The following WTIP variants were observed in gnomAD, a reference collection of about 807,000 sequenced individuals.
WTIP encodes the protein Wilms tumor protein 1-interacting protein.
A neutral mutation model predicts 41.7 loss-of-function variants in WTIP; 23 were observed. The observed-to-expected ratio is 0.55, with a 90% CI of 0.40 to 0.78. The LOEUF (loss-of-function observed/expected upper bound fraction) is 0.78, where lower values mean the gene tolerates loss of function less well. Ranked by LOEUF, WTIP falls within the 30% of genes least tolerant of loss-of-function variation. WTIP has a pLI of 0.00. For synonymous variants in WTIP, 314 were observed against 269.9 expected (o/e 1.16, Z -1.60); for missense variants, 619 against 610.5 (o/e 1.01, Z -0.15).
chr19:34,489,429 G>T (rs1278066243), intron 1 of WTIP, among the ~76,000 whole-genome samples: 1 of 151,938 alleles, frequency 6.6e-6, no homozygotes, highest in Non-Finnish European at 1.5e-5. Flanking sequence ...GGAGGACAGA[G>T]TGGGTACAGA....
rs2075909509 is a variant in WTIP, at chr19:34,505,966, C to T, written c.*5697C>T. On this transcript the variant is annotated 3_prime_UTR_variant, in exon 8 of 8. Coordinates refer to ENST00000590071, the MANE Select transcript of WTIP (RefSeq NM_001080436.2). ...CGGGACCCATGGCCTGGGGTCACCA[C>T]CTTCCTGAGCTGCGTGGATCTCAGC... The T allele has an allele frequency of 6.6e-6, 1 of 152,370 alleles. No homozygotes were observed. Among genetic ancestry groups the T allele is most frequent in the South Asian group, 2.1e-4 (1 of 4,832 alleles). The allele number at this position is 152,370 out of a possible 1,614,324, so 9.4% of individuals were successfully genotyped here.
At position 34,493,524 on chromosome 19, in the gene WTIP, A is replaced by G. The variant is rs750975815; in HGVS notation, c.933A>G (p.Pro311=). ...AGGCCCTGGGCAAGTCCTACCACCC[A>G]GGCTGCTTCCGGTGCTCCGTGTGCA... The part of the protein sequence containing the change: ...ILQALGKSYH[P]GCFRCSVCNE... Residue 311 remains proline (P), a synonymous_variant, in exon 5 of 8, where the codon CCA becomes CCG. Coordinates refer to ENST00000590071, the MANE Select transcript of WTIP (RefSeq NM_001080436.2). The surrounding 1 kb of genome is among the most constrained non-coding windows in gnomAD (Gnocchi z 4.1). 4.3e-6 allele frequency: 7 copies of G among 1,613,652 alleles called. No individual in the cohort carries two copies. The highest frequency in any genetic ancestry group is 1.3e-5 in the African/African-American group (1 of 75,036).
At position 34,511,933 on chromosome 19, in the gene WTIP, G is replaced by T. The variant is rs1441017476; in HGVS notation, c.*11664G>T. On this transcript the variant is annotated 3_prime_UTR_variant, in exon 8 of 8. Coordinates refer to ENST00000590071, the MANE Select transcript of WTIP (RefSeq NM_001080436.2). ...ACTTGCTAGAATTCTGATTTGAAGT[G>T]CTTTCAAATTCTGTGTTAATTTGGA... is the stretch of plus-strand genomic sequence containing the variant. The T allele has an allele frequency of 6.6e-6, 1 of 152,188 alleles. No individual in the cohort carries two copies. Among genetic ancestry groups the T allele is most frequent in the Non-Finnish European group, 1.5e-5 (1 of 68,028 alleles). The allele number at this position is 152,188 out of a possible 1,614,324, so 9.4% of individuals were successfully genotyped here.
chr19:34,499,255 A>C (rs977339958), intron 7 of WTIP, among the ~76,000 whole-genome samples: 3 of 151,404 alleles, frequency 2.0e-5, no homozygotes, highest in Admixed American at 2.0e-4. Context: ...TCATGCCTGT[A>C]ATCCCAGCAT....
Position 34,500,287 on chromosome 19 carries a change from C to T in WTIP, c.*18C>T, listed in dbSNP as rs1599966095. The T allele has an allele frequency of 6.3e-7, 1 of 1,594,374 alleles. No individual in the cohort carries two copies. The highest frequency in any genetic ancestry group is 8.5e-7 in the Non-Finnish European group (1 of 1,172,810). On this transcript the variant is annotated 3_prime_UTR_variant, in exon 8 of 8. Coordinates refer to ENST00000590071, the MANE Select transcript of WTIP (RefSeq NM_001080436.2). ...AGCTCTGAGCAGGGGAAAACCCGTC[C>T]CTGGGCCGGGGTGGGTGTGGGTGTG...
rs1254077812 is a variant in WTIP at position 34,495,718 on chromosome 19, A to G, written c.1099A>G (p.Ile367Val). 1.2e-6 allele frequency: 2 copies of G among 1,613,950 alleles called. No individual in the cohort carries two copies. The highest frequency in any genetic ancestry group is 8.5e-7 in the Non-Finnish European group (1 of 1,179,936). ...CTTCCTCCAGGGCTGCGAGACAACC[A>G]TCCGTGTGGTGTCCATGGACAGAGA... ...ILPAQGCETT[I>V]RVVSMDRDYH... Residue 367 changes from isoleucine (I) to valine (V), a missense_variant, in exon 7 of 8, where the codon ATC becomes GTC. Physicochemically the swap from Ile to Val is conservative, Grantham distance 29 (BLOSUM62 3). This residue lies in a region of WTIP where 164 missense variants were observed against 219.1 expected (regional missense o/e 0.75). Transcript: ENST00000590071.
At position 34,509,610 on chromosome 19, in the gene WTIP, C is replaced by G. The variant is rs998922489; in HGVS notation, c.*9341C>G. On this transcript the variant is annotated 3_prime_UTR_variant, in exon 8 of 8. Transcript: ENST00000590071. ...CATGTCCTCACATTTCAAAACCAAT[C>G]ATGACTTCCCAACAGTCCCCCAAAT... The G allele has an allele frequency of 2.0e-5, 3 of 152,200 alleles. No individual in the cohort carries two copies. The highest frequency in any genetic ancestry group is 7.2e-5 in the African/African-American group (3 of 41,440). 9.4% of individuals were successfully genotyped at this position (152,200 alleles called of 1,614,324 possible). A position where few individuals can be genotyped will look rare whatever the true frequency, so the allele number is the denominator to read the frequency against.
chr19:34,482,828 G>A (rs536769934), intron 1 of WTIP, 187 bp downstream of exon 1: 9 of 974,464 alleles, frequency 9.2e-6, no homozygotes, highest in Admixed American at 1.2e-4. Context: ...GTGAGTGAGT[G>A]CGCCTGGATC....
rs1036972725 is a variant in WTIP at position 34,510,672 on chromosome 19, A to G, written c.*10403A>G. The G allele has an allele frequency of 3.9e-5, 6 of 152,200 alleles. 1 individual carries two copies. Among genetic ancestry groups the G allele is most frequent in the Non-Finnish European group, 5.9e-5 (4 of 68,032 alleles). 9.4% of individuals were successfully genotyped at this position (152,200 alleles called of 1,614,324 possible). On this transcript the variant is annotated 3_prime_UTR_variant, in exon 8 of 8. Transcript: ENST00000590071. Reference sequence around the variant, plus strand: ...CAGGCTGCAAATTTTCCAATTTTTTATGCTCTGTTTCCCTTTTAAAATGGA... The same window carrying G: ...CAGGCTGCAAATTTTCCAATTTTTTGTGCTCTGTTTCCCTTTTAAAATGGA...
rs2075879187 is a variant in WTIP at position 34,500,457 on chromosome 19, C to A, written c.*188C>A. The A allele has an allele frequency of 1.3e-6, 1 of 788,404 alleles. No homozygotes were observed. Among genetic ancestry groups the A allele is most frequent in the Non-Finnish European group, 1.9e-6 (1 of 536,004 alleles). 48.8% of individuals were successfully genotyped at this position (788,404 alleles called of 1,614,324 possible). A position where few individuals can be genotyped will look rare whatever the true frequency, so the allele number is the denominator to read the frequency against. On this transcript the variant is annotated 3_prime_UTR_variant, in exon 8 of 8. Transcript: ENST00000590071. Reference sequence around the variant, plus strand: ...CGTCTGTGCCTGCTCAAGTCACTTCCCTGCGGGCCCTGCCTCCCACCCACC... The same window carrying A: ...CGTCTGTGCCTGCTCAAGTCACTTCACTGCGGGCCCTGCCTCCCACCCACC...
intron 1 of WTIP, among the ~76,000 whole-genome samples, chr19:34,484,851 A>T (rs2075789496): frequency 6.7e-6 from 1 of 149,754 alleles, no homozygotes; most frequent in South Asian, 2.1e-4. Context: ...GAGCACTTGA[A>T]CCCAGGAGTT....
rs2075771057 is a variant in WTIP at position 34,482,243 on chromosome 19, G to T, written c.269G>T (p.Arg90Leu). Reference protein sequence around the residue: ...ELSAQPAGSPRASLAGSDGGG... With the variant: ...ELSAQPAGSPLASLAGSDGGG... ...AGCGCGCAGCCTGCGGGCAGCCCAC[G>T]GGCCAGCCTGGCGGGGTCCGACGGC... The change falls in exon 1 of 8, where the codon CGG (arginine) becomes CTG (leucine). Residue 90 changes from arginine (R) to leucine (L), a missense_variant. Arg to Leu is a moderately radical substitution (Grantham distance 102, BLOSUM62 -2). Transcript: ENST00000590071. The T allele has an allele frequency of 1.4e-5, 17 of 1,224,192 alleles. No individual in the cohort carries two copies. The highest frequency in any genetic ancestry group is 1.6e-5 in the Non-Finnish European group (16 of 980,648). The allele number at this position is 1,224,192 out of a possible 1,614,324, so 75.8% of individuals were successfully genotyped here.
At chr19:34,490,605 G>A in intron 2 of WTIP, 128 bp downstream of exon 2, 2 of 963,694 alleles carry the variant, frequency 2.1e-6, no homozygotes, top group Non-Finnish European at 3.2e-6. Context: ...GCTGGGCTGT[G>A]GAGGACTCTG....
At position 34,497,849 on chromosome 19, in the gene WTIP, C is replaced by G. The variant is rs1192256905; in HGVS notation, c.1152+2078C>G. Among the ~76,000 whole-genome samples the G allele has an allele frequency of 2.0e-5, 3 of 152,212 alleles. No homozygotes were observed. The East Asian group carries it at 5.8e-4, about 29-fold the overall frequency. On this transcript the variant is annotated intron_variant, in intron 7 of 7. Transcript: ENST00000590071. ...TCCAGCCCTAACAGGACCTCCGCGT[C>G]CCTCCACTTGCTGGGCCGTCCTGTG...
At chr19:34,484,194 G>T (rs1387667162) in intron 1 of WTIP, among the ~76,000 whole-genome samples, 1 of 152,090 alleles carries the variant, frequency 6.6e-6, no homozygotes, top group Non-Finnish European at 1.5e-5. Context: ...CAAAATGTTG[G>T]GATTACAGGC....
At chr19:34,491,501 T>C (rs1020710502) in intron 2 of WTIP, among the ~76,000 whole-genome samples, 29 of 151,498 alleles carry the variant, frequency 1.9e-4, no homozygotes, top group African/African-American at 2.9e-4. Flanking sequence ...TTTTTGTATT[T>C]TTTTAGTGAG....
chr19:34,490,525 A>G (rs752676671), intron 2 of WTIP, 48 bp downstream of exon 2: 21 of 1,557,924 alleles, frequency 1.3e-5, no homozygotes, highest in Admixed American at 1.7e-5. Flanking sequence ...GACCTGCCAC[A>G]TCATCCCCAT....
In WTIP at chr19:34,501,818, A is replaced by C. The variant is rs545405320; in HGVS notation, c.*1549A>C. ...ACTTACACAGCGTGGAGAGCGCTGC[A>C]TCTTAGAGTGGGGCCTTCAGCAGGA... On this transcript the variant is annotated 3_prime_UTR_variant, in exon 8 of 8. Transcript: ENST00000590071. The C allele has an allele frequency of 1.3e-5, 2 of 152,584 alleles. No individual in the cohort carries two copies. Among genetic ancestry groups the C allele is most frequent in the Non-Finnish European group, 2.9e-5 (2 of 68,306 alleles). 9.5% of individuals were successfully genotyped at this position (152,584 alleles called of 1,614,324 possible). A position where few individuals can be genotyped will look rare whatever the true frequency, so the allele number is the denominator to read the frequency against.
intron 7 of WTIP, among the ~76,000 whole-genome samples, chr19:34,496,955 T>C (rs370090767): frequency 5.3e-5 from 8 of 152,076 alleles, no homozygotes; most frequent in Admixed American, 5.2e-4. Context: ...CTCCGCCTCC[T>C]GGGTTCAAGC....
Sources: allele counts gnomAD v4.1 joint callset (sites outside exome capture counted in the v4.1 genomes callset), GRCh38; gene constraint gnomAD v4.1.1; regional missense constraint gnomAD v4.1.1; non-coding constraint Gnocchi (gnomAD v3.1); transcripts MANE v1.5; gene names NCBI Gene and HGNC (gene_info 2026-07-23, HGNC 2026-07-21).